Variants in TAF1D observed in about 807,000 individuals in gnomAD.
TAF1D encodes the protein TATA-box binding protein associated factor, RNA polymerase I subunit D, also known as TATA box-binding protein-associated factor RNA polymerase I subunit D.
A neutral mutation model predicts 26.2 loss-of-function variants in TAF1D; 23 were observed. That is an observed-to-expected ratio of 0.88 (90% CI 0.63 to 1.25). TAF1D has a LOEUF of 1.25. Ranked by LOEUF, TAF1D falls within the 50% of genes most tolerant of loss-of-function variation. The probability of loss-of-function intolerance (pLI) is 0.00; values close to 1 mark genes in which losing one functional copy is unlikely to be tolerated. For missense variants in TAF1D, 299 were observed against 322.0 expected, an observed-to-expected ratio of 0.93 and a Z score of 0.55; for synonymous variants, 100 against 105.6, an observed-to-expected ratio of 0.95 and a Z score of 0.33.
At chr11:93,736,659 C>T (rs761760836) in intron 5 of TAF1D, 35 bp downstream of exon 5, 3 of 1,604,714 alleles carry the variant, frequency 1.9e-6, no homozygotes, top group South Asian at 1.1e-5. Flanking sequence ...CTCCTGCCTT[C>T]CCAAAATGGA....
At position 93,741,444 on chromosome 11, in the gene TAF1D, C is replaced by T. The variant is rs1446681175; in HGVS notation, c.-150G>A. On this transcript the variant is annotated 5_prime_UTR_variant, in exon 1 of 6. Coordinates refer to ENST00000448108, the MANE Select transcript of TAF1D (RefSeq NM_024116.4). The stretch of plus-strand genomic sequence containing the variant: ...TACACACCACCCTCCCGACCTCAGC[C>T]CTCCAACTCCCGATAACCAGCCGAC... 4.4e-6 allele frequency: 2 copies of T among 456,148 alleles called. No individual in the cohort carries two copies. The highest frequency in any genetic ancestry group is 8.8e-6 in the Non-Finnish European group (2 of 226,964). The allele number at this position is 456,148 out of a possible 1,614,324, so 28.3% of individuals were successfully genotyped here.
At chr11:93,730,882 C>T (rs570430370), downstream of TAF1D, 2 of 446,648 alleles carry the variant, frequency 4.5e-6, no homozygotes, top group South Asian at 1.7e-5. Flanking sequence ...TTGCATGATT[C>T]AAGAGATCTA....
chr11:93,732,134 T>C (rs747433086), downstream of TAF1D: 3 of 518,274 alleles, frequency 5.8e-6, no homozygotes, highest in East Asian at 5.4e-5. Flanking sequence ...GAATGAGGCA[T>C]TGTAAAAGTC....
At chr11:93,733,733 C>T (rs1362552303), downstream of TAF1D, 2 of 357,872 alleles carry the variant, frequency 5.6e-6, no homozygotes, top group Non-Finnish European at 1.1e-5. Flanking sequence ...TCACATCTCA[C>T]TGTAGCCTCA....
intron 2 of TAF1D, chr11:93,738,955 AAC>A (rs1481226560): frequency 6.6e-6 from 3 of 457,272 alleles, no homozygotes; most frequent in Middle Eastern, 6.0e-4. Flanking sequence ...GAGTAAAACA[AAC>A]ACAGCCTACC....
At chr11:93,736,926 G>A in intron 4 of TAF1D, 138 bp downstream of exon 4, 1 of 1,101,474 alleles carries the variant, frequency 9.1e-7, no homozygotes, top group Non-Finnish European at 1.3e-6. Context: ...TGGCTCAACT[G>A]TAATAATCCC....
chr11:93,736,091 A>G lies in TAF1D; in HGVS notation c.*70T>C. 6.3e-7 allele frequency: 1 copy of G among 1,596,972 alleles called. No individual in the cohort carries two copies. The highest frequency in any genetic ancestry group is 8.5e-7 in the Non-Finnish European group (1 of 1,175,462). On this transcript the variant is annotated 3_prime_UTR_variant, in exon 6 of 6. Transcript: ENST00000448108. ...CACCACCAGACTGGTACATATATCC[A>G]CATTTATCTTTATTCATTTCTATGA...
At chr11:93,734,951 T>TGAG (rs200090292), downstream of TAF1D, 2,236 of 1,006,456 alleles carry the variant, frequency 2.2e-3, 46 homozygotes, top group East Asian at 0.057. Context: ...TTTGTGGAGA[T>TGAG]GTGTTTCTTA....
At chr11:93,732,374 G>C (rs960700260), downstream of TAF1D, 1 of 518,898 alleles carries the variant, frequency 1.9e-6, no homozygotes, top group Non-Finnish European at 3.8e-6. Flanking sequence ...TGTATCAGTA[G>C]AAATACCAGG....
chr11:93,732,411 C>T (rs1188515643), downstream of TAF1D: 4 of 518,884 alleles, frequency 7.7e-6, no homozygotes, highest in Non-Finnish European at 1.5e-5. Context: ...CCAAGAAAAC[C>T]AACGATGCCA....
At chr11:93,732,021 T>C (rs540458972), downstream of TAF1D, 14 of 518,090 alleles carry the variant, frequency 2.7e-5, no homozygotes, top group African/African-American at 1.2e-4. Context: ...ACAGGTCTCA[T>C]TGTCACCACT....
At chr11:93,731,703 G>C (rs993882779), downstream of TAF1D, 2 of 373,610 alleles carry the variant, frequency 5.4e-6, no homozygotes, top group Non-Finnish European at 1.1e-5. Flanking sequence ...AGAAAAGCTA[G>C]TATTCAACAA....
At chr11:93,730,375 C>G in exon 12 of TAF1D, 1 of 910,110 alleles carries the variant, frequency 1.1e-6, no homozygotes, top group African/African-American at 1.6e-5. Context: ...GTTGTGATTT[C>G]TTCCACTGTC....
chr11:93,731,268 C>T, downstream of TAF1D: 1 of 343,996 alleles, frequency 2.9e-6, no homozygotes, highest in Non-Finnish European at 5.7e-6. Context: ...GTACATAAAT[C>T]TATCTTTCAA....
chr11:93,730,527 A>C, exon 12 of TAF1D: 1 of 685,936 alleles, frequency 1.5e-6, no homozygotes, highest in South Asian at 1.4e-5. Flanking sequence ...ATATCTCCTC[A>C]GGAAAACATA....
In TAF1D at chr11:93,736,294, A is replaced by T. The variant is rs539997322; in HGVS notation, c.704T>A (p.Phe235Tyr). ...ECDIKLAGDS[F>Y]IVSSEFPVRL... Reference sequence around the variant, plus strand: ...TACAGGGAATTCAGAACTTACTATGAAACTATCCCCCTGCATAAAACAAAC... The same window carrying T: ...TACAGGGAATTCAGAACTTACTATGTAACTATCCCCCTGCATAAAACAAAC... The change falls in exon 6 of 6, where the codon TTC becomes TAC. Residue 235 changes from phenylalanine (F) to tyrosine (Y), a missense_variant. Phe to Tyr is a conservative substitution (Grantham distance 22). Transcript: ENST00000448108. The T allele has an allele frequency of 6.2e-7, 1 of 1,605,732 alleles. No individual in the cohort carries two copies. The highest frequency in any genetic ancestry group is 1.7e-5 in the Admixed American group (1 of 57,480).
At position 93,737,088 on chromosome 11, in the gene TAF1D, G is replaced by C. The variant is rs1436645968; in HGVS notation, c.611C>G (p.Ser204Cys). Residue 204 changes from serine to cysteine, a missense_variant, in exon 4 of 6, where the codon TCC becomes TGC. Physicochemically the swap from Ser to Cys is moderately radical, Grantham distance 112 (BLOSUM62 -1). Coordinates refer to ENST00000448108, the MANE Select transcript of TAF1D (RefSeq NM_024116.4). ...CGTTGACTCCTCAATAGGAGAAATG[G>C]ATCCATCATCATCCAAAAATTTGTA... Reference protein sequence around the residue: ...RRYKFLDDDGSISPIEESTAE... With the variant: ...RRYKFLDDDGCISPIEESTAE... 3.7e-6 allele frequency: 6 copies of C among 1,605,540 alleles called. 1 individual carries two copies. The highest frequency in any genetic ancestry group is 3.4e-5 in the South Asian group (3 of 88,578).
intron 2 of TAF1D, chr11:93,738,995 T>C: frequency 1.9e-6 from 1 of 519,002 alleles, no homozygotes; most frequent in Non-Finnish European, 3.4e-6. Context: ...CTGGAAGAGA[T>C]GCTAATATGA....
chr11:93,739,130 C>A, intron 2 of TAF1D, 107 bp downstream of exon 2: 1 of 838,028 alleles, frequency 1.2e-6, no homozygotes, highest in East Asian at 2.5e-5. Flanking sequence ...TCAGTGAAAT[C>A]TAGTTTTCCT....
Sources: gnomAD v4.1 joint callset for allele counts on GRCh38, gnomAD v4.1.1 for gene constraint, MANE v1.5 for transcripts, NCBI Gene and HGNC (gene_info 2026-07-23, HGNC 2026-07-21) for gene names.